The following CCDC124 variants were observed in gnomAD, a reference collection of about 807,000 sequenced individuals.
The protein encoded by CCDC124 is coiled-coil domain containing 124.
A neutral mutation model predicts 19.8 loss-of-function variants in CCDC124; 9 were observed. The observed-to-expected ratio is 0.45, with a 90% confidence interval of 0.27 to 0.79. The LOEUF (loss-of-function observed/expected upper bound fraction) is 0.79, where lower values mean the gene tolerates loss of function less well. Ranked by LOEUF, CCDC124 falls within the 30% of genes least tolerant of loss-of-function variation. The pLI, the probability that CCDC124 is intolerant of heterozygous loss-of-function variation, is 0.14. For synonymous variants in CCDC124, 126 were observed against 131.3 expected, an observed-to-expected ratio of 0.96 and a Z score of 0.27; for missense variants, 285 against 319.0, an observed-to-expected ratio of 0.89 and a Z score of 0.81.
intron 1 of CCDC124, among the ~76,000 whole-genome samples, chr19:17,935,459 C>T (rs1005471362): frequency 6.6e-6 from 1 of 151,338 alleles, no homozygotes; most frequent in African/African-American, 2.4e-5. Flanking sequence ...CTCGCTCTGT[C>T]GCCTAGGCTG....
intron 2 of CCDC124, among the ~76,000 whole-genome samples, chr19:17,940,680 C>T (rs1365394203): frequency 2.2e-5 from 3 of 137,962 alleles, no homozygotes; most frequent in East Asian, 2.2e-4. Context: ...GCAGGAGAAT[C>T]GGTTGAACCT....
intron 2 of CCDC124, among the ~76,000 whole-genome samples, chr19:17,941,426 T>A (rs893299003): frequency 2.0e-5 from 3 of 150,128 alleles, no homozygotes; most frequent in Non-Finnish European, 4.4e-5. Context: ...GCATGAGAAT[T>A]GCTTGAACTC....
intron 1 of CCDC124, among the ~76,000 whole-genome samples, chr19:17,933,989 G>C (rs1391494159): frequency 3.9e-5 from 6 of 152,190 alleles, no homozygotes; most frequent in Non-Finnish European, 8.8e-5. Flanking sequence ...TGTATTTCCA[G>C]CTTGGGCTGT....
At chr19:17,943,450 C>T (rs2031236549) in intron 4 of CCDC124, 58 bp from the exon 5 acceptor site, 2 of 1,570,732 alleles carry the variant, frequency 1.3e-6, no homozygotes, top group Non-Finnish European at 1.7e-6. Context: ...GGGGCGGGGC[C>T]GGGCTTTTCG....
rs900349464 is a variant in CCDC124 at position 17,942,677 on chromosome 19, C to T, written c.181C>T (p.Leu61Phe). 5 of 1,555,996 alleles carry T rather than the reference C, an allele frequency of 3.2e-6. No homozygotes were observed. In the African/African-American group the frequency reaches 6.8e-5, roughly 21 times the overall value. ...QRKEEKEKRR[L>F]DQLERKKETQ... ...GCAGGAGGAGAAGGAGAAGCGGCGC[C>T]TCGACCAGCTGGAACGTAAGAAGGA... Residue 61 changes from leucine to phenylalanine, a missense_variant, in exon 3 of 5, where the codon CTC (leucine) becomes TTC (phenylalanine). Leu to Phe is a conservative substitution (Grantham distance 22). Transcript: ENST00000445755. The surrounding 1 kb of genome is among the most constrained non-coding windows in gnomAD (Gnocchi z 4.2).
At chr19:17,934,111 G>A (rs2031007397) in intron 1 of CCDC124, among the ~76,000 whole-genome samples, 1 of 148,964 alleles carries the variant, frequency 6.7e-6, no homozygotes, top group Non-Finnish European at 1.5e-5. Context: ...ATCACTTGAG[G>A]TCAAGAGTTT....
Position 17,942,457 on chromosome 19 carries a change from C to T in CCDC124, c.160-199C>T, listed in dbSNP as rs546559700. Reference sequence around the variant, plus strand: ...GTCACTTCTTCAAGAGCCACCCACCCGCCCTGTCCAAGGTTCCCCTGTTGG... The same window carrying T: ...GTCACTTCTTCAAGAGCCACCCACCTGCCCTGTCCAAGGTTCCCCTGTTGG... On this transcript the variant is annotated intron_variant, in intron 2 of 4. Transcript: ENST00000445755. The surrounding 1 kb of genome is among the most constrained non-coding windows in gnomAD (Gnocchi z 4.2). Among the ~76,000 whole-genome samples, 13 of 152,310 alleles carry T rather than the reference C, an allele frequency of 8.5e-5. No individual in the cohort carries two copies. Among genetic ancestry groups the T allele is most frequent in the Admixed American group, 6.5e-4 (10 of 15,298 alleles).
At chr19:17,935,344 G>T (rs935103120) in intron 1 of CCDC124, among the ~76,000 whole-genome samples, 6 of 152,122 alleles carry the variant, frequency 3.9e-5, no homozygotes, top group South Asian at 2.1e-4. Flanking sequence ...GGCCTCTTTT[G>T]GGGGGTGCAA....
At chr19:17,941,356 C>A (rs1047141257) in intron 2 of CCDC124, among the ~76,000 whole-genome samples, 2 of 151,910 alleles carry the variant, frequency 1.3e-5, no homozygotes, top group Non-Finnish European at 2.9e-5. Context: ...ACTAAAATTA[C>A]AAAAGATTAG....
intron 1 of CCDC124, among the ~76,000 whole-genome samples, chr19:17,935,494 C>G (rs2147778009): frequency 6.6e-6 from 1 of 151,930 alleles, no homozygotes; most frequent in East Asian, 1.9e-4. Context: ...GATCTCAGCT[C>G]ATTGCAACCT....
At chr19:17,943,057 G>A (rs1599970757) in intron 3 of CCDC124, among the ~76,000 whole-genome samples, 1 of 152,148 alleles carries the variant, frequency 6.6e-6, no homozygotes, top group African/African-American at 2.4e-5. Flanking sequence ...CAGGGCTGCC[G>A]GAAAGTAAGG....
Position 17,943,844 on chromosome 19 carries a change from C to A in CCDC124, c.*129C>A. On this transcript the variant is annotated 3_prime_UTR_variant, in exon 5 of 5. Coordinates refer to ENST00000445755, the MANE Select transcript of CCDC124 (RefSeq NM_001136203.2). ...CAAGGCGCCGGGCCCCGGGGCCATGCTCTTATCACCAGCCACCCGTCCTCC... is the reference window on the plus strand; with the variant it reads ...CAAGGCGCCGGGCCCCGGGGCCATGATCTTATCACCAGCCACCCGTCCTCC... The A allele has an allele frequency of 1.2e-6, 1 of 862,200 alleles. No homozygotes were observed. The highest frequency in any genetic ancestry group is 1.8e-6 in the Non-Finnish European group (1 of 558,640). The allele number at this position is 862,200 out of a possible 1,614,324, so 53.4% of individuals were successfully genotyped here.
intron 1 of CCDC124, among the ~76,000 whole-genome samples, chr19:17,935,842 C>T (rs2031048854): frequency 6.6e-6 from 1 of 152,168 alleles, no homozygotes; most frequent in Non-Finnish European, 1.5e-5. Context: ...CTTGGCCTCC[C>T]AAAGTGCTAG....
In CCDC124 at chr19:17,942,508, A is replaced by C; in HGVS notation, c.160-148A>C. On this transcript the variant is annotated intron_variant, in intron 2 of 4. Coordinates refer to ENST00000445755, the MANE Select transcript of CCDC124 (RefSeq NM_001136203.2). This position sits in a 1 kb window ranked among gnomAD's most constrained non-coding sequence, Gnocchi z 4.2. ...CCTCACATCCCCCGCCCAGGGCAGCACCGGGACCTATCTTGTTCCTGGTAT... is the reference window on the plus strand; with the variant it reads ...CCTCACATCCCCCGCCCAGGGCAGCCCCGGGACCTATCTTGTTCCTGGTAT... 1.1e-6 allele frequency: 1 copy of C among 875,420 alleles called. No homozygotes were observed. The highest frequency in any genetic ancestry group is 1.7e-6 in the Non-Finnish European group (1 of 576,760). 54.2% of individuals were successfully genotyped at this position (875,420 alleles called of 1,614,324 possible).
intron 1 of CCDC124, among the ~76,000 whole-genome samples, chr19:17,934,266 A>G (rs2031010188): frequency 6.7e-6 from 1 of 149,980 alleles, no homozygotes; most frequent in African/African-American, 2.5e-5. Context: ...GGTGCCTGTA[A>G]TCCTAGCTGC....
chr19:17,943,343 G>A lies in CCDC124; in HGVS notation c.432G>A (p.Ala144=), dbSNP rs1237692925. 1 of 1,592,830 alleles carries A rather than the reference G, an allele frequency of 6.3e-7. No individual in the cohort carries two copies. The highest frequency in any genetic ancestry group is 1.7e-5 in the Admixed American group (1 of 57,158). The change falls in exon 4 of 5, where the codon GCG becomes GCA. Residue 144 remains alanine (A), a synonymous_variant. Transcript: ENST00000445755. The part of the protein sequence containing the change: ...RRVLEEGSVE[A]RTIEDAIAVL... Reference sequence around the variant, plus strand: ...TGCTGGAGGAGGGCAGCGTGGAGGCGCGCACCATCGAGGACGCCATTGCAG... The same window carrying A: ...TGCTGGAGGAGGGCAGCGTGGAGGCACGCACCATCGAGGACGCCATTGCAG...
intron 1 of CCDC124, 26 bp from the exon 2 acceptor site, chr19:17,936,384 C>G (rs1282458565): frequency 3.8e-6 from 6 of 1,585,948 alleles, no homozygotes; most frequent in Non-Finnish European, 3.4e-6. Flanking sequence ...GGCCCCTGCT[C>G]CCCCATCCCC....
At chr19:17,943,135 A>T (rs79732550) in intron 3 of CCDC124, 126 bp from the exon 4 acceptor site, 76,755 of 837,416 alleles carry the variant, frequency 0.092, 4,122 homozygotes, top group Non-Finnish European at 0.12. Context: ...TCGCGATTCC[A>T]TCCCCCCTCA....
chr19:17,942,556 C>T lies in CCDC124; in HGVS notation c.160-100C>T. The T allele has an allele frequency of 1.5e-6, 2 of 1,350,506 alleles. No individual in the cohort carries two copies. Among genetic ancestry groups the T allele is most frequent in the Non-Finnish European group, 2.0e-6 (2 of 982,892 alleles). 83.7% of individuals were successfully genotyped at this position (1,350,506 alleles called of 1,614,324 possible). A position where few individuals can be genotyped will look rare whatever the true frequency, so the allele number is the denominator to read the frequency against. On this transcript the variant is annotated intron_variant, in intron 2 of 4. Transcript: ENST00000445755. The surrounding 1 kb of genome is among the most constrained non-coding windows in gnomAD (Gnocchi z 4.2). ...TATGTCCCCTGCACCCAGCACAGAG[C>T]CTAAATCCTCGTTGGCTGAGATGAA...
Sources: allele counts gnomAD v4.1 joint callset (sites outside exome capture counted in the v4.1 genomes callset), GRCh38; gene constraint gnomAD v4.1.1; non-coding constraint Gnocchi (gnomAD v3.1); transcripts MANE v1.5; gene names NCBI Gene and HGNC (gene_info 2026-07-23, HGNC 2026-07-21).